MRPS28: variants seen among roughly 807,000 people sequenced by gnomAD.
The protein encoded by MRPS28 is mitochondrial ribosomal protein S28.
Under a neutral mutation model 10.8 loss-of-function variants are expected in MRPS28, and 7 were observed. The observed-to-expected ratio is 0.65, with a 90% CI of 0.37 to 1.22. MRPS28 has a LOEUF of 1.22. MRPS28 is among the 50% of genes most tolerant of loss of function. The probability of loss-of-function intolerance (pLI) is 0.02; values close to 1 mark genes in which losing one functional copy is unlikely to be tolerated. For synonymous variants in MRPS28, 121 were observed against 93.3 expected, an observed-to-expected ratio of 1.30 and a Z score of -1.71; for missense variants, 265 against 232.9, an observed-to-expected ratio of 1.14 and a Z score of -0.90.
chr8:79,945,484 T>C (rs1420614334), intron 2 of MRPS28, among the ~76,000 whole-genome samples: 2 of 152,152 alleles, frequency 1.3e-5, no homozygotes, highest in Non-Finnish European at 2.9e-5. Flanking sequence ...TAGACCCCCA[T>C]AGCAAACCAA....
intron 2 of MRPS28, among the ~76,000 whole-genome samples, chr8:79,990,832 A>AC (rs1455786300): frequency 2.6e-5 from 4 of 151,186 alleles, no homozygotes; most frequent in Admixed American, 2.6e-4. Context: ...TACAAAAAAA[A>AC]AAAAATTCAA....
chr8:79,959,332 A>G (rs768203508), intron 2 of MRPS28, among the ~76,000 whole-genome samples: 3 of 152,138 alleles, frequency 2.0e-5, no homozygotes, highest in African/African-American at 4.8e-5. Flanking sequence ...ATATGAAAAA[A>G]AAATTCAAAT....
Position 80,028,645 on chromosome 8 carries a change from C to CGGGCGGGCGGGGGGGG in MRPS28, c.213+1390_213+1391insCCCCCCCCGCCCGCCC, listed in dbSNP as rs1554575868. On this transcript the variant is annotated intron_variant, in intron 1 of 2. Coordinates refer to ENST00000276585, the MANE Select transcript of MRPS28 (RefSeq NM_014018.3). ...TCACAGGGATCTCAAAAGCAGAAGA[C>CGGGCGGGCGGGGGGGG]GGGCGGGGGGGGCGGGGCCGGGCGG... 6.0e-4 allele frequency: 2 copies of CGGGCGGGCGGGGGGGG among 3,332 alleles called. 1 individual carries two copies. The highest frequency in any genetic ancestry group is 9.6e-3 in the Admixed American group (2 of 208). 0.2% of individuals were successfully genotyped at this position (3,332 alleles called of 1,614,324 possible).
At chr8:79,938,225 T>C (rs748924379) in intron 2 of MRPS28, among the ~76,000 whole-genome samples, 9 of 91,688 alleles carry the variant, frequency 9.8e-5, no homozygotes, top group Non-Finnish European at 1.9e-4. Flanking sequence ...TAAAAAGACA[T>C]AGGTGGGGGG....
intron 1 of MRPS28, among the ~76,000 whole-genome samples, chr8:80,026,692 C>T (rs769211873): frequency 6.6e-6 from 1 of 152,138 alleles, no homozygotes; most frequent in Non-Finnish European, 1.5e-5. Flanking sequence ...ATGTGTTACT[C>T]TGGCACCACA....
chr8:79,991,300 T>C (rs1586082117), intron 2 of MRPS28, among the ~76,000 whole-genome samples: 1 of 152,180 alleles, frequency 6.6e-6, no homozygotes, highest in East Asian at 1.9e-4. Context: ...CTTAAGAAAA[T>C]GGAGTGTCAG....
intron 2 of MRPS28, among the ~76,000 whole-genome samples, chr8:79,919,996 T>A (rs1312287838): frequency 2.2e-5 from 3 of 137,268 alleles, no homozygotes; most frequent in East Asian, 2.3e-4. Context: ...TGTGTCCATG[T>A]GTTCTCATTG....
intron 2 of MRPS28, among the ~76,000 whole-genome samples, chr8:79,963,068 G>A (rs562214405): frequency 1.3e-5 from 2 of 152,246 alleles, no homozygotes; most frequent in African/African-American, 4.8e-5. Context: ...ATTACGTTAT[G>A]AGGGGTAGCC....
chr8:80,029,969 T>G, intron 1 of MRPS28, 67 bp downstream of exon 1: 1 of 1,565,118 alleles, frequency 6.4e-7, no homozygotes, highest in Non-Finnish European at 8.6e-7. Context: ...CCGCCCCTAT[T>G]CCCGACCCCG....
chr8:80,000,156 TTGAATGAATGAG>T (rs1808623048), intron 2 of MRPS28, among the ~76,000 whole-genome samples: 1 of 152,222 alleles, frequency 6.6e-6, no homozygotes, highest in African/African-American at 2.4e-5. Flanking sequence ...TAAGTATTTG[TTGAATGAATGAG>T]TGAATGAATG....
chr8:80,005,927 A>C (rs910804553), intron 1 of MRPS28, among the ~76,000 whole-genome samples: 2 of 152,236 alleles, frequency 1.3e-5, no homozygotes, highest in Non-Finnish European at 2.9e-5. Context: ...TTCAACAAGA[A>C]GAGCTAACTA....
At chr8:79,922,301 T>G (rs1162390774) in intron 2 of MRPS28, among the ~76,000 whole-genome samples, 1 of 152,110 alleles carries the variant, frequency 6.6e-6, no homozygotes, top group African/African-American at 2.4e-5. Flanking sequence ...TTGAACACCT[T>G]GAAGTAGAGA....
intron 2 of MRPS28, among the ~76,000 whole-genome samples, chr8:79,960,987 G>C (rs73691118): frequency 0.022 from 3,400 of 152,196 alleles, 134 homozygotes; most frequent in African/African-American, 0.078. Flanking sequence ...GGGAAGCAGT[G>C]ACAATGGTCA....
intron 2 of MRPS28, among the ~76,000 whole-genome samples, chr8:79,989,013 T>C (rs1808276959): frequency 6.6e-6 from 1 of 152,192 alleles, no homozygotes; most frequent in Admixed American, 6.5e-5. Flanking sequence ...GAATAGCCAA[T>C]ATTATTGAAT....
chr8:79,940,011 G>A, intron 2 of MRPS28, among the ~76,000 whole-genome samples: 1 of 151,930 alleles, frequency 6.6e-6, no homozygotes. Flanking sequence ...ATCAATAAGG[G>A]CTGATGAAGC....
chr8:79,943,427 C>G (rs1038057222), intron 2 of MRPS28, among the ~76,000 whole-genome samples: 5 of 152,204 alleles, frequency 3.3e-5, no homozygotes, highest in African/African-American at 1.2e-4. Context: ...ATTCTACACA[C>G]AGAAACAAAA....
chr8:79,936,800 C>T (rs1397962807), intron 2 of MRPS28, among the ~76,000 whole-genome samples: 1 of 152,156 alleles, frequency 6.6e-6, no homozygotes, highest in African/African-American at 2.4e-5. Flanking sequence ...AGTACTATCT[C>T]AGGATGGTGT....
intron 2 of MRPS28, among the ~76,000 whole-genome samples, chr8:79,987,864 C>T (rs182749269): frequency 0.01 from 1,525 of 152,180 alleles, 13 homozygotes; most frequent in Non-Finnish European, 0.017. Flanking sequence ...GTCAGTGTGG[C>T]GATTCCTCAG....
Position 80,000,831 on chromosome 8 carries a change from G to A in MRPS28, c.395+2168C>T, listed in dbSNP as rs187002515. ...GCTTGAGCCCAGGAGTTCAAGTCCAGCTGGGGCAATTTAATTCTAGATCTC... is the reference window on the plus strand; with the variant it reads ...GCTTGAGCCCAGGAGTTCAAGTCCAACTGGGGCAATTTAATTCTAGATCTC... On this transcript the variant is annotated intron_variant, in intron 2 of 2. Transcript: ENST00000276585. Among the ~76,000 whole-genome samples, 20 of 152,256 alleles carry A rather than the reference G, an allele frequency of 1.3e-4. No homozygotes were observed. In the East Asian group the frequency reaches 3.3e-3, roughly 25 times the overall value.
Sources: allele counts gnomAD v4.1 joint callset (sites outside exome capture counted in the v4.1 genomes callset), GRCh38; gene constraint gnomAD v4.1.1; transcripts MANE v1.5; gene names NCBI Gene and HGNC (gene_info 2026-07-23, HGNC 2026-07-21).